Variants in DMD observed in about 807,000 individuals in gnomAD.
The protein encoded by DMD is dystrophin.
Under a neutral mutation model 330.1 loss-of-function variants are expected in DMD, and 63 were observed. That is an observed-to-expected ratio of 0.19 (90% CI 0.16 to 0.24). DMD has a LOEUF of 0.24. Among genes scored for constraint, DMD ranks in the 10% least tolerant of loss-of-function variants. The pLI is 1.00. For synonymous variants in DMD, 1,223 were observed against 959.8 expected, an observed-to-expected ratio of 1.27 and a Z score of -5.07; for missense variants, 3,344 against 2,684.1, an observed-to-expected ratio of 1.25 and a Z score of -5.43.
chrX:32,814,941 T>C (rs1370375399), intron 6 of DMD, among the ~76,000 whole-genome samples: 23 of 111,533 alleles, frequency 2.1e-4, no homozygotes, highest in Non-Finnish European at 9.4e-5. Context: ...GGGCCCTTAG[T>C]GTTAAGCATG....
At chrX:33,187,628 T>C (rs1250795563) in intron 1 of DMD, among the ~76,000 whole-genome samples, 1 of 111,881 alleles carries the variant, frequency 8.9e-6, no homozygotes, top group Non-Finnish European at 1.9e-5. Flanking sequence ...GTGTGGTATA[T>C]GAGTGGGGCA....
intron 1 of DMD, among the ~76,000 whole-genome samples, chrX:33,240,180 C>G (rs1480377605): frequency 8.9e-6 from 1 of 111,813 alleles, no homozygotes; most frequent in Non-Finnish European, 1.9e-5. Flanking sequence ...TCATATCTAA[C>G]TGTAAATATG....
At chrX:31,321,607 A>AAAAAAAAAAAAAAAAAAAGAAAG (rs1388525572) in intron 62 of DMD, among the ~76,000 whole-genome samples, 19 of 89,259 alleles carry the variant, frequency 2.1e-4, no homozygotes, top group African/African-American at 4.7e-4. Context: ...AAAAAAAAAA[A>AAAAAAAAAAAAAAAAAAAGAAAG]AAAGAAAGAA....
intron 55 of DMD, among the ~76,000 whole-genome samples, chrX:31,571,547 A>T (rs1376971360): frequency 9.0e-6 from 1 of 111,035 alleles, no homozygotes; most frequent in East Asian, 2.8e-4. Context: ...ATGGAACATC[A>T]CACCTGGTGT....
intron 44 of DMD, among the ~76,000 whole-genome samples, chrX:32,076,698 G>T (rs2147855822): frequency 9.0e-6 from 1 of 111,555 alleles, no homozygotes; most frequent in African/African-American, 3.3e-5. Context: ...TCTTTAATAA[G>T]AGATGCAGCA....
rs760052427 is a variant in DMD, at chrX:32,065,477, A to G, written c.6439-96963T>C. Among the ~76,000 whole-genome samples the G allele has an allele frequency of 4.5e-5, 5 of 112,247 alleles. No individual in the cohort carries two copies. In the East Asian group the frequency reaches 1.4e-3, roughly 32 times the overall value. On this transcript the variant is annotated intron_variant, in intron 44 of 78. Coordinates refer to ENST00000357033, the MANE Select transcript of DMD (RefSeq NM_004006.3). Reference sequence around the variant, plus strand: ...TGATATGATTTTTATAAATTGCTGCAGTTACATTCTTCACACTGTAATTTG... The same window carrying G: ...TGATATGATTTTTATAAATTGCTGCGGTTACATTCTTCACACTGTAATTTG...
chrX:31,673,753 A>C (rs1232311450), intron 53 of DMD, among the ~76,000 whole-genome samples: 1 of 112,294 alleles, frequency 8.9e-6, no homozygotes, highest in East Asian at 2.8e-4. Context: ...AATATGGTAC[A>C]ATCAAAGCAT....
At chrX:32,130,340 TATC>T (rs1221953393) in intron 44 of DMD, among the ~76,000 whole-genome samples, 1 of 111,881 alleles carries the variant, frequency 8.9e-6, no homozygotes, top group Non-Finnish European at 1.9e-5. Flanking sequence ...ATGCCAGAAT[TATC>T]AATGGATAAA....
intron 9 of DMD, among the ~76,000 whole-genome samples, chrX:32,653,100 C>T (rs1044251491): frequency 3.6e-5 from 4 of 111,551 alleles, no homozygotes; most frequent in Admixed American, 9.5e-5. Context: ...TTCTCCCATT[C>T]TGTAGGTTGC....
chrX:31,730,811 G>T (rs931650387), intron 51 of DMD, among the ~76,000 whole-genome samples: 1 of 111,625 alleles, frequency 9.0e-6, no homozygotes, highest in African/African-American at 3.2e-5. Context: ...CAGCAAGTTT[G>T]TATAATTTTA....
chrX:31,774,574 A>AT (rs758192205), intron 50 of DMD, among the ~76,000 whole-genome samples: 2,133 of 107,992 alleles, frequency 0.02, 48 homozygotes, highest in African/African-American at 0.06. Flanking sequence ...AATTTTACTT[A>AT]TTTTTTTTTT....
chrX:32,638,108 G>A (rs896270612), intron 11 of DMD, among the ~76,000 whole-genome samples: 2 of 111,582 alleles, frequency 1.8e-5, no homozygotes, highest in Non-Finnish European at 3.8e-5. Context: ...CAACCTAACC[G>A]AATGTCACGT....
intron 4 of DMD, among the ~76,000 whole-genome samples, chrX:32,828,918 G>A (rs561571349): frequency 3.6e-5 from 4 of 111,380 alleles, no homozygotes; most frequent in Admixed American, 1.9e-4. Flanking sequence ...ACAATTCCAT[G>A]TGTGAATTGT....
chrX:33,307,747 G>A (rs761612412), intron 1 of DMD, among the ~76,000 whole-genome samples: 252 of 111,158 alleles, frequency 2.3e-3, no homozygotes, highest in African/African-American at 8.1e-3. Flanking sequence ...AGTACTAATG[G>A]TTCCAGTGAG....
Position 32,390,138 on chromosome X carries a change from T to C in DMD, c.4277A>G (p.Glu1426Gly). The C allele has an allele frequency of 8.3e-7, 1 of 1,210,164 alleles. No individual in the cohort carries two copies. Among genetic ancestry groups the C allele is most frequent in the Non-Finnish European group, 1.1e-6 (1 of 894,084 alleles). The change falls in exon 31 of 79, where the codon GAA becomes GGA. Residue 1426 changes from glutamate to glycine, a missense_variant. Glu to Gly is a moderately conservative substitution (Grantham distance 98). Coordinates refer to ENST00000357033, the MANE Select transcript of DMD (RefSeq NM_004006.3). ...DLTSHEISLE[E>G]MKKHNQGKEA... Reference sequence around the variant, plus strand: ...CTTCCCCTGATTATGTTTCTTCATTTCTTCTAAACTGATCTCATGACTTGT... The same window carrying C: ...CTTCCCCTGATTATGTTTCTTCATTCCTTCTAAACTGATCTCATGACTTGT...
intron 44 of DMD, among the ~76,000 whole-genome samples, chrX:32,076,052 CAAAAAAAAAAAAAAAAAAAAA>C (rs59686294): frequency 5.3e-5 from 1 of 18,743 alleles, no homozygotes; most frequent in Non-Finnish European, 9.8e-5. Flanking sequence ...GACTCTGTCT[CAAAAAAAAAAAAAAAAAAAAA>C]AAAAAAAAAA....
chrX:31,310,426 G>A (rs1464903144), intron 62 of DMD, among the ~76,000 whole-genome samples: 14 of 109,127 alleles, frequency 1.3e-4, no homozygotes, highest in African/African-American at 4.7e-4. Flanking sequence ...TTGTAGTATT[G>A]ATATAAGTAA....
chrX:31,360,820 A>G (rs1376449675), intron 60 of DMD, among the ~76,000 whole-genome samples: 1 of 112,519 alleles, frequency 8.9e-6, no homozygotes, highest in Non-Finnish European at 1.9e-5. Flanking sequence ...CTTATCATTC[A>G]TTCTCATTGT....
chrX:32,081,375 T>G (rs1281150251), intron 44 of DMD, among the ~76,000 whole-genome samples: 1 of 111,805 alleles, frequency 8.9e-6, no homozygotes, highest in Non-Finnish European at 1.9e-5. Context: ...TTGATGCCTA[T>G]AAAACTGTTT....
Sources: allele counts gnomAD v4.1 joint callset (sites outside exome capture counted in the v4.1 genomes callset), GRCh38; gene constraint gnomAD v4.1.1; transcripts MANE v1.5; gene names NCBI Gene and HGNC (gene_info 2026-07-23, HGNC 2026-07-21).